Variants in MTA1 observed in about 807,000 individuals in gnomAD.
MTA1 encodes the protein metastasis associated 1.
In MTA1, 15 loss-of-function variants were observed where a neutral mutation model predicts 97.0. That is an observed-to-expected ratio of 0.15 (90% CI 0.10 to 0.24). MTA1 has a LOEUF of 0.24. Among genes scored for constraint, MTA1 ranks in the 10% least tolerant of loss-of-function variants. The pLI is 1.00. For missense variants in MTA1, 709 were observed against 1,015.1 expected (o/e 0.70, Z 4.10); for synonymous variants, 435 against 417.5 (o/e 1.04, Z -0.51).
chr14:105,451,797 T>G (rs2082949488), intron 6 of MTA1, among the ~76,000 whole-genome samples: 1 of 143,504 alleles, frequency 7.0e-6, no homozygotes, highest in Non-Finnish European at 1.5e-5. Flanking sequence ...TTTTTTTTTT[T>G]TTTTTTTTTT....
intron 3 of MTA1, among the ~76,000 whole-genome samples, chr14:105,448,803 AG>A (rs1416181432): frequency 3.3e-5 from 5 of 152,250 alleles, no homozygotes; most frequent in Non-Finnish European, 7.3e-5. Flanking sequence ...AGGCACCACA[AG>A]GGGGCCGCAG....
chr14:105,427,284 T>A (rs2082041943), intron 1 of MTA1, among the ~76,000 whole-genome samples: 1 of 152,260 alleles, frequency 6.6e-6, no homozygotes, highest in East Asian at 1.9e-4. Flanking sequence ...CACCCTGCCC[T>A]CTGCCACTGC....
rs2081787303 is a variant in MTA1 at position 105,420,351 on chromosome 14, C to T, written c.28+288C>T. On this transcript the variant is annotated intron_variant, in intron 1 of 20. Coordinates refer to ENST00000331320, the MANE Select transcript of MTA1 (RefSeq NM_004689.4). This position sits in a 1 kb window ranked among gnomAD's most constrained non-coding sequence, Gnocchi z 5.3. ...CGGGGGTGGCGGGGGGGCGCGGGGC[C>T]TGCGGGACATCCGGGGGTCCGGGGC... Among the ~76,000 whole-genome samples, 1 of 151,476 alleles carries T rather than the reference C, an allele frequency of 6.6e-6. No individual in the cohort carries two copies.
At chr14:105,450,539 A>G (rs2082885706) in intron 6 of MTA1, among the ~76,000 whole-genome samples, 1 of 152,158 alleles carries the variant, frequency 6.6e-6, no homozygotes, top group South Asian at 2.1e-4. Context: ...GTTGTGGGCC[A>G]GGAGCTTGGA....
At chr14:105,437,941 G>A (rs1418713802) in intron 1 of MTA1, among the ~76,000 whole-genome samples, 2 of 152,240 alleles carry the variant, frequency 1.3e-5, no homozygotes, top group Admixed American at 6.5e-5. Flanking sequence ...TCTGTCTGTG[G>A]AGCTGGTGAG....
intron 1 of MTA1, among the ~76,000 whole-genome samples, chr14:105,437,772 C>G (rs1337876746): frequency 6.6e-6 from 1 of 152,200 alleles, no homozygotes; most frequent in Non-Finnish European, 1.5e-5. Context: ...CGAGGGTGCT[C>G]GTGGTGCTGG....
intron 15 of MTA1, 105 bp downstream of exon 15, chr14:105,464,968 G>A (rs1555432247): frequency 7.0e-7 from 1 of 1,431,514 alleles, no homozygotes; most frequent in East Asian, 2.5e-5. Context: ...CTGATCTCAG[G>A]GAGCCCCACG....
chr14:105,455,837 C>G (rs2083125944), intron 7 of MTA1, among the ~76,000 whole-genome samples: 1 of 152,244 alleles, frequency 6.6e-6, no homozygotes, highest in South Asian at 2.1e-4. Context: ...TCCAGGCAGA[C>G]AGGGCACATT....
At chr14:105,466,662 G>C (rs782498306) in intron 17 of MTA1, 45 bp from the exon 18 acceptor site, 70 of 1,601,954 alleles carry the variant, frequency 4.4e-5, no homozygotes, top group Non-Finnish European at 5.3e-5. Context: ...CGCCGTGCGT[G>C]CTGACGCTGT....
chr14:105,457,364 G>A (rs1046972813), intron 7 of MTA1, among the ~76,000 whole-genome samples: 2 of 152,258 alleles, frequency 1.3e-5, no homozygotes, highest in African/African-American at 4.8e-5. Context: ...GACTGCAGGC[G>A]TCAGGTGGCC....
At chr14:105,456,610 A>T (rs1474623120) in intron 7 of MTA1, among the ~76,000 whole-genome samples, 2 of 152,184 alleles carry the variant, frequency 1.3e-5, no homozygotes, top group African/African-American at 4.8e-5. Flanking sequence ...CTCTTGAGTG[A>T]TGGAAAATTG....
At chr14:105,466,978 T>C (rs1045568250) in intron 18 of MTA1, 7 of 569,844 alleles carry the variant, frequency 1.2e-5, no homozygotes, top group Non-Finnish European at 2.2e-5. Context: ...GTCAGTGGAC[T>C]GTCCTGGCAC....
In MTA1 at chr14:105,464,056, C is replaced by T; in HGVS notation, c.1101C>T (p.Ile367=). 6 of 1,612,646 alleles carry T rather than the reference C, an allele frequency of 3.7e-6. No homozygotes were observed. The highest frequency in any genetic ancestry group is 5.1e-6 in the Non-Finnish European group (6 of 1,179,800). Residue 367 remains isoleucine (I), a synonymous_variant, in exon 13 of 21, where the codon ATC becomes ATT. Coordinates refer to ENST00000331320, the MANE Select transcript of MTA1 (RefSeq NM_004689.4). ...GTAACAAGCCAAATCCGAACCAAAT[C>T]AGCGTCAACAACGTCAAGGCCGGTG... ...PNYNKPNPNQ[I]SVNNVKAGVV...
At chr14:105,443,233 A>G (rs962046611) in intron 2 of MTA1, among the ~76,000 whole-genome samples, 18 of 152,172 alleles carry the variant, frequency 1.2e-4, no homozygotes, top group Non-Finnish European at 2.2e-4. Context: ...CCCTGGGTTC[A>G]CACCACCATA....
In MTA1 at chr14:105,466,692, C is replaced by T. The variant is rs2083604537; in HGVS notation, c.1778-15C>T. On this transcript the variant is annotated splice_polypyrimidine_tract_variant and intron_variant, in intron 17 of 20. Coordinates refer to ENST00000331320, the MANE Select transcript of MTA1 (RefSeq NM_004689.4). ...CGCTGTCTTCTCTCCCTCTCTCCCA[C>T]CCCGGCGCTGCCAGGCAACATGAAG... 2 of 1,605,070 alleles carry T rather than the reference C, an allele frequency of 1.2e-6. No individual in the cohort carries two copies. The highest frequency in any genetic ancestry group is 1.3e-5 in the African/African-American group (1 of 74,862).
At chr14:105,430,355 TC>T (rs2082142083) in intron 1 of MTA1, among the ~76,000 whole-genome samples, 1 of 152,106 alleles carries the variant, frequency 6.6e-6, no homozygotes, top group Non-Finnish European at 1.5e-5. Context: ...AATGGCCAGT[TC>T]CTGGGGCAGT....
At chr14:105,428,175 GCCCCC>G (rs2082068591) in intron 1 of MTA1, among the ~76,000 whole-genome samples, 3 of 152,228 alleles carry the variant, frequency 2.0e-5, no homozygotes, top group South Asian at 2.1e-4. Flanking sequence ...TCTGTAGTCA[GCCCCC>G]TCTTCTCCCC....
At chr14:105,440,046 G>T (rs1276456253) in intron 2 of MTA1, among the ~76,000 whole-genome samples, 1 of 152,214 alleles carries the variant, frequency 6.6e-6, no homozygotes, top group East Asian at 1.9e-4. Flanking sequence ...GGAGCATGGG[G>T]TGCGACATCT....
At position 105,453,132 on chromosome 14, in the gene MTA1, C is replaced by T. The variant is rs113293627; in HGVS notation, c.433-1061C>T. On this transcript the variant is annotated intron_variant, in intron 6 of 20. Coordinates refer to ENST00000331320, the MANE Select transcript of MTA1 (RefSeq NM_004689.4). ...AAAGGCCATGTCCTGGAAATGCCAT[C>T]CCAGAGGCAGCCTGGGGGCCCTGGT... Among the ~76,000 whole-genome samples the T allele has an allele frequency of 9.1e-3, 1,389 of 152,376 alleles. 15 individuals are homozygous for T. The highest frequency in any genetic ancestry group is 0.015 in the Admixed American group (234 of 15,310).
Sources: gnomAD v4.1 joint callset for allele counts (sites outside exome capture counted in the v4.1 genomes callset) on GRCh38, gnomAD v4.1.1 for gene constraint, Gnocchi (gnomAD v3.1) non-coding constraint, MANE v1.5 for transcripts, NCBI Gene and HGNC (gene_info 2026-07-23, HGNC 2026-07-21) for gene names.